TPMT: variants seen among roughly 807,000 people sequenced by gnomAD.
The protein encoded by TPMT is S-adenosyl-L-methionine:thiopurine S-methyltransferase.
TPMT carries 18 observed loss-of-function variants against 34.2 expected under a neutral mutation model. The observed-to-expected ratio is 0.53, with a 90% CI of 0.36 to 0.78. The LOEUF is 0.78. Among genes scored for constraint, TPMT ranks in the 30% least tolerant of loss-of-function variants. The pLI is 0.00. For synonymous variants in TPMT, 69 were observed against 92.4 expected (o/e 0.75, Z 1.45); for missense variants, 265 against 288.1 (o/e 0.92, Z 0.58).
At position 18,139,659 on chromosome 6, in the gene TPMT, A is replaced by G. The variant is rs747184646; in HGVS notation, c.419+6T>C. On this transcript the variant is annotated splice_donor_region_variant and intron_variant, in intron 5 of 8. Coordinates refer to ENST00000309983, the MANE Select transcript of TPMT (RefSeq NM_000367.5). This position sits in a 1 kb window ranked among gnomAD's most constrained non-coding sequence, Gnocchi z 4.2. ...TTTTAAAGTGCAGATGTAGTATTCA[A>G]CCTACCTGGGAAGATCAAAAATACT... 2.8e-5 allele frequency: 45 copies of G among 1,612,444 alleles called. No homozygotes were observed. The highest frequency in any genetic ancestry group is 2.3e-5 in the Non-Finnish European group (27 of 1,178,782).
rs749780269 is a variant in TPMT at position 18,133,852 on chromosome 6, A to T, written c.532T>A (p.Phe178Ile). 1.2e-6 allele frequency: 2 copies of T among 1,613,834 alleles called. No homozygotes were observed. Among genetic ancestry groups the T allele is most frequent in the Non-Finnish European group, 1.7e-6 (2 of 1,179,906 alleles). The change falls in exon 7 of 9, where the codon TTT (phenylalanine) becomes ATT (isoleucine). Residue 178 changes from phenylalanine to isoleucine, a missense_variant. Phe to Ile is a conservative substitution (Grantham distance 21). Coordinates refer to ENST00000309983, the MANE Select transcript of TPMT (RefSeq NM_000367.5). ...GAAAGAACACACAGGAGATACTGAA[A>T]CTTCTTTCCCAGGAGGGAAAACATT... ...DTMFSLLGKK[F>I]QYLLCVLSYD...
rs780058700 is a variant in TPMT at position 18,146,184 on chromosome 6, A to ATAT, written c.233+1638_233+1639insATA. Among the ~76,000 whole-genome samples the ATAT allele has an allele frequency of 1.3e-4, 19 of 151,564 alleles. No homozygotes were observed. The highest frequency in any genetic ancestry group is 2.5e-4 in the Non-Finnish European group (17 of 67,938). On this transcript the variant is annotated intron_variant, in intron 3 of 8. Transcript: ENST00000309983. The surrounding 1 kb of genome is among the most constrained non-coding windows in gnomAD (Gnocchi z 6.2). The stretch of plus-strand genomic sequence containing the variant: ...CTCAGTTCATATATATATATACATA[A>ATAT]AAATAACTGTATTTACGTATATATA...
rs70974705 is a variant in TPMT at position 18,151,573 on chromosome 6, GATTTATTTATTTATTT to G, written c.-44-2418_-44-2403del. Among the ~76,000 whole-genome samples the G allele has an allele frequency of 4.8e-3, 691 of 143,370 alleles. 26 individuals carry two copies. The East Asian group carries it at 0.093, about 19-fold the overall frequency. 94.1% of individuals were successfully genotyped at this position (143,370 alleles called of 152,430 possible). On this transcript the variant is annotated intron_variant, in intron 1 of 8. Transcript: ENST00000309983. ...TGAGTGGATTTCATTTGGAAACCTA[GATTTATTTATTTATTT>G]ATTTATTTATTTATTTATTTATTTA...
chr6:18,130,160 C>T lies in TPMT; in HGVS notation c.*508G>A. On this transcript the variant is annotated 3_prime_UTR_variant, in exon 9 of 9. Coordinates refer to ENST00000309983, the MANE Select transcript of TPMT (RefSeq NM_000367.5). The surrounding 1 kb of genome is among the most constrained non-coding windows in gnomAD (Gnocchi z 4.2). The stretch of plus-strand genomic sequence containing the variant: ...ATTAGCTGGGCGTGGTGGCGCACAC[C>T]TGTAATCCCAGCTACTCAGGAGGCT... 6.2e-6 allele frequency: 1 copy of T among 160,818 alleles called. No homozygotes were observed. The highest frequency in any genetic ancestry group is 1.3e-5 in the Non-Finnish European group (1 of 74,222). The allele number at this position is 160,818 out of a possible 1,614,324, so 10.0% of individuals were successfully genotyped here.
chr6:18,143,849 G>C lies in TPMT; in HGVS notation c.234-121C>G, dbSNP rs1784197635. ...GAATTTATATGAATTCAGGTTCATAGGGTTTCAAAGAACATGCAGGAAAGC... is the reference window on the plus strand; with the variant it reads ...GAATTTATATGAATTCAGGTTCATACGGTTTCAAAGAACATGCAGGAAAGC... On this transcript the variant is annotated intron_variant, in intron 3 of 8. Transcript: ENST00000309983. The surrounding 1 kb of genome is among the most constrained non-coding windows in gnomAD (Gnocchi z 6.1). The C allele has an allele frequency of 7.7e-7, 1 of 1,292,246 alleles. No homozygotes were observed. The highest frequency in any genetic ancestry group is 1.1e-6 in the Non-Finnish European group (1 of 930,834). The allele number at this position is 1,292,246 out of a possible 1,614,324, so 80.0% of individuals were successfully genotyped here.
At chr6:18,133,018 G>C (rs923527322) in intron 7 of TPMT, among the ~76,000 whole-genome samples, 8 of 152,064 alleles carry the variant, frequency 5.3e-5, no homozygotes, top group African/African-American at 1.7e-4. Flanking sequence ...ACTTGAACCC[G>C]GAAGGCGGAC....
rs1784118370 is a variant in TPMT at position 18,140,411 on chromosome 6, C to T, written c.367-694G>A. On this transcript the variant is annotated intron_variant, in intron 4 of 8. Transcript: ENST00000309983. This position sits in a 1 kb window ranked among gnomAD's most constrained non-coding sequence, Gnocchi z 4.7. The stretch of plus-strand genomic sequence containing the variant: ...GACTAAACAAAAGGTGACTTTTGGC[C>T]AGGTGTGGCAGCTTACACCTGTAAT... Among the ~76,000 whole-genome samples, 1 of 152,138 alleles carries T rather than the reference C, an allele frequency of 6.6e-6. No individual in the cohort carries two copies. Among genetic ancestry groups the T allele is most frequent in the Non-Finnish European group, 1.5e-5 (1 of 68,036 alleles).
rs1484923651 is a variant in TPMT at position 18,138,615 on chromosome 6, A to G, written c.494+348T>C. 6.6e-6 allele frequency among the ~76,000 whole-genome samples: 1 copy of G among 152,184 alleles called. No individual in the cohort carries two copies. Among genetic ancestry groups the G allele is most frequent in the Non-Finnish European group, 1.5e-5 (1 of 68,034 alleles). On this transcript the variant is annotated intron_variant, in intron 6 of 8. Transcript: ENST00000309983. This position sits in a 1 kb window ranked among gnomAD's most constrained non-coding sequence, Gnocchi z 4.1. ...ACCTGGAATAGGCAAGTGACCAGTA[A>G]GTATTACCTGGTAATATTAGTGGAG...
chr6:18,150,678 G>T lies in TPMT; in HGVS notation c.-44-1507C>A, dbSNP rs950322889. 1.3e-5 allele frequency among the ~76,000 whole-genome samples: 2 copies of T among 152,148 alleles called. No individual in the cohort carries two copies. Among genetic ancestry groups the T allele is most frequent in the Admixed American group, 6.6e-5 (1 of 15,266 alleles). On this transcript the variant is annotated intron_variant, in intron 1 of 8. Coordinates refer to ENST00000309983, the MANE Select transcript of TPMT (RefSeq NM_000367.5). This position sits in a 1 kb window ranked among gnomAD's most constrained non-coding sequence, Gnocchi z 5.3. The stretch of plus-strand genomic sequence containing the variant: ...CCTGAAAGAGCACAAGGAAGAAAAA[G>T]AATGTTTTTCCATTTTGCATGTATA...
Position 18,143,487 on chromosome 6 carries a change from G to C in TPMT, c.366+109C>G. 7.1e-7 allele frequency: 1 copy of C among 1,410,878 alleles called. No homozygotes were observed. 87.4% of individuals were successfully genotyped at this position (1,410,878 alleles called of 1,614,324 possible). ...TATATAGTATCTACAGTGAATCTGC[G>C]TGCTAAATAGGAACCATCGGACACA... On this transcript the variant is annotated intron_variant, in intron 4 of 8. Coordinates refer to ENST00000309983, the MANE Select transcript of TPMT (RefSeq NM_000367.5). This position sits in a 1 kb window ranked among gnomAD's most constrained non-coding sequence, Gnocchi z 6.1.
At position 18,138,933 on chromosome 6, in the gene TPMT, C is replaced by G. The variant is rs1314949796; in HGVS notation, c.494+30G>C. ...AGTATAGTATACTAAAAAATTAAGACAGCTAAACAAAAAAAGAAAAATTAC... is the reference window on the plus strand; with the variant it reads ...AGTATAGTATACTAAAAAATTAAGAGAGCTAAACAAAAAAAGAAAAATTAC... On this transcript the variant is annotated intron_variant, in intron 6 of 8. Coordinates refer to ENST00000309983, the MANE Select transcript of TPMT (RefSeq NM_000367.5). The surrounding 1 kb of genome is among the most constrained non-coding windows in gnomAD (Gnocchi z 4.1). The G allele has an allele frequency of 1.9e-6, 3 of 1,589,366 alleles. No homozygotes were observed. In the African/African-American group the frequency reaches 4.0e-5, roughly 21 times the overall value.
chr6:18,151,865 AAGAAG>A (rs769354583), intron 1 of TPMT, among the ~76,000 whole-genome samples: 3 of 152,148 alleles, frequency 2.0e-5, no homozygotes, highest in Non-Finnish European at 2.9e-5. Flanking sequence ...CATATAAGAA[AAGAAG>A]AGAAGTGGGC....
Position 18,129,768 on chromosome 6 carries a change from T to C in TPMT, c.*900A>G, listed in dbSNP as rs56036436. ...TTTGGGAATGTTTGTTCCATATAGA[T>C]TGTTTAATTAAAATGTATTTGTTTC... On this transcript the variant is annotated 3_prime_UTR_variant, in exon 9 of 9. Coordinates refer to ENST00000309983, the MANE Select transcript of TPMT (RefSeq NM_000367.5). 6.6e-6 allele frequency: 1 copy of C among 151,148 alleles called. No homozygotes were observed. The highest frequency in any genetic ancestry group is 1.5e-5 in the Non-Finnish European group (1 of 68,034). 9.4% of individuals were successfully genotyped at this position (151,148 alleles called of 1,614,324 possible). A position where few individuals can be genotyped will look rare whatever the true frequency, so the allele number is the denominator to read the frequency against.
chr6:18,139,598 C>T lies in TPMT; in HGVS notation c.419+67G>A. ...GAAGAGAGTGAGGAAGACACCTCCA[C>T]TCCCATGCCTGCACTGCCTGGCAAG... is the stretch of plus-strand genomic sequence containing the variant. On this transcript the variant is annotated intron_variant, in intron 5 of 8. Coordinates refer to ENST00000309983, the MANE Select transcript of TPMT (RefSeq NM_000367.5). This position sits in a 1 kb window ranked among gnomAD's most constrained non-coding sequence, Gnocchi z 4.2. The T allele has an allele frequency of 7.7e-7, 1 of 1,306,220 alleles. No homozygotes were observed. The highest frequency in any genetic ancestry group is 1.1e-6 in the Non-Finnish European group (1 of 902,040). 80.9% of individuals were successfully genotyped at this position (1,306,220 alleles called of 1,614,324 possible).
At chr6:18,133,557 C>T (rs1270230811) in intron 7 of TPMT, among the ~76,000 whole-genome samples, 1 of 152,180 alleles carries the variant, frequency 6.6e-6, no homozygotes, top group Non-Finnish European at 1.5e-5. Flanking sequence ...TTTCCCCGCT[C>T]TTCTCTAGTC....
rs1036524960 is a variant in TPMT, at chr6:18,143,311, A to G, written c.366+285T>C. ...CAATGTCTTAGGCAGGGTCTGGCAC[A>G]TGATGGGTTCTCAGAAAATGCGTGT... On this transcript the variant is annotated intron_variant, in intron 4 of 8. Coordinates refer to ENST00000309983, the MANE Select transcript of TPMT (RefSeq NM_000367.5). The surrounding 1 kb of genome is among the most constrained non-coding windows in gnomAD (Gnocchi z 6.1). 7.2e-5 allele frequency among the ~76,000 whole-genome samples: 11 copies of G among 152,214 alleles called. No homozygotes were observed. Among genetic ancestry groups the G allele is most frequent in the Non-Finnish European group, 1.3e-4 (9 of 68,042 alleles).
intron 1 of TPMT, among the ~76,000 whole-genome samples, chr6:18,151,459 CCTTGT>C (rs1232699766): frequency 6.6e-6 from 1 of 151,014 alleles, no homozygotes; most frequent in African/African-American, 2.4e-5. Flanking sequence ...CAGATCAAGA[CCTTGT>C]CTTAAGAAAA....
intron 7 of TPMT, 76 bp downstream of exon 7, chr6:18,133,728 C>T (rs1295119183): frequency 9.1e-7 from 1 of 1,102,698 alleles, no homozygotes; most frequent in African/African-American, 1.6e-5. Flanking sequence ...GAAAATAATT[C>T]TTATCCATGT....
Position 18,132,229 on chromosome 6 carries a change from C to T in TPMT, c.581-52G>A, listed in dbSNP as rs1313861207. ...GTTTATTTCCAATGACGTAGGTGTA[C>T]TTGTTCTACATACAACTTCATTATC... On this transcript the variant is annotated intron_variant, in intron 7 of 8. Transcript: ENST00000309983. The surrounding 1 kb of genome is among the most constrained non-coding windows in gnomAD (Gnocchi z 4.8). 1 of 1,555,700 alleles carries T rather than the reference C, an allele frequency of 6.4e-7. No individual in the cohort carries two copies. The highest frequency in any genetic ancestry group is 8.9e-7 in the Non-Finnish European group (1 of 1,128,344).
Sources: gnomAD v4.1 joint callset for allele counts (sites outside exome capture counted in the v4.1 genomes callset) on GRCh38, gnomAD v4.1.1 for gene constraint, Gnocchi (gnomAD v3.1) non-coding constraint, MANE v1.5 for transcripts, NCBI Gene and HGNC (gene_info 2026-07-23, HGNC 2026-07-21) for gene names.